KLHL1: variants seen among roughly 807,000 people sequenced by gnomAD.
The protein encoded by KLHL1 is kelch-like protein 1.
Under a neutral mutation model 77.7 loss-of-function variants are expected in KLHL1, and 47 were observed. The observed-to-expected ratio is 0.60, with a 90% CI of 0.48 to 0.77. KLHL1 has a LOEUF of 0.77. Among genes scored for constraint, KLHL1 ranks in the 30% least tolerant of loss-of-function variants. KLHL1 has a pLI of 0.00. For missense variants in KLHL1, 925 were observed against 910.8 expected, an observed-to-expected ratio of 1.02 and a Z score of -0.20; for synonymous variants, 360 against 325.2, an observed-to-expected ratio of 1.11 and a Z score of -1.15.
At chr13:69,758,788 TA>T (rs1409958900) in intron 7 of KLHL1, among the ~76,000 whole-genome samples, 1 of 152,134 alleles carries the variant, frequency 6.6e-6, no homozygotes. Flanking sequence ...CCATAGCATA[TA>T]AAAATAAGAT....
chr13:70,063,313 C>T (rs1384794497), intron 1 of KLHL1, among the ~76,000 whole-genome samples: 1 of 152,056 alleles, frequency 6.6e-6, no homozygotes, highest in Admixed American at 6.6e-5. Flanking sequence ...GCATGAATAA[C>T]AAGTGCATAA....
chr13:69,854,339 GAAGA>G (rs972857594), intron 5 of KLHL1, among the ~76,000 whole-genome samples: 2 of 151,964 alleles, frequency 1.3e-5, no homozygotes, highest in African/African-American at 4.8e-5. Flanking sequence ...AGCAAGAAAT[GAAGA>G]AAGAGAGAGA....
intron 7 of KLHL1, among the ~76,000 whole-genome samples, chr13:69,778,789 T>C (rs1593820260): frequency 7.1e-6 from 1 of 140,150 alleles, no homozygotes; most frequent in Non-Finnish European, 1.5e-5. Context: ...AGGTATTCCC[T>C]CTCTTTTTTT....
intron 1 of KLHL1, among the ~76,000 whole-genome samples, chr13:70,056,508 T>C (rs981535182): frequency 1.5e-4 from 23 of 152,086 alleles, no homozygotes; most frequent in African/African-American, 5.5e-4. Flanking sequence ...TTTCATTCAA[T>C]GGCTGCAGAA....
intron 7 of KLHL1, among the ~76,000 whole-genome samples, chr13:69,744,704 G>A (rs965184424): frequency 2.0e-5 from 3 of 151,268 alleles, no homozygotes; most frequent in African/African-American, 7.3e-5. Context: ...ATTCCTCAAA[G>A]AATAAGTTTT....
chr13:69,933,999 C>T (rs574127324), intron 4 of KLHL1, among the ~76,000 whole-genome samples: 1 of 152,130 alleles, frequency 6.6e-6, no homozygotes, highest in East Asian at 1.9e-4. Context: ...TGAGATAGTA[C>T]TGGGTTTATT....
intron 7 of KLHL1, among the ~76,000 whole-genome samples, chr13:69,773,141 A>G (rs1167440838): frequency 7.0e-6 from 1 of 142,494 alleles, no homozygotes; most frequent in Admixed American, 6.9e-5. Flanking sequence ...ATTTTTGTAC[A>G]TGCATAATAG....
chr13:70,071,698 T>C (rs1392485563), intron 1 of KLHL1, among the ~76,000 whole-genome samples: 4 of 152,124 alleles, frequency 2.6e-5, no homozygotes, highest in African/African-American at 9.7e-5. Context: ...AATCTCCAAA[T>C]ATTTGGAGTT....
At chr13:69,958,494 T>C (rs1883962254) in intron 3 of KLHL1, among the ~76,000 whole-genome samples, 1 of 151,898 alleles carries the variant, frequency 6.6e-6, no homozygotes, top group Admixed American at 6.6e-5. Context: ...ACATTCATTC[T>C]AAGCCTTCTT....
At chr13:69,732,928 C>A (rs1182590363) in intron 8 of KLHL1, among the ~76,000 whole-genome samples, 2 of 152,072 alleles carry the variant, frequency 1.3e-5, no homozygotes, top group African/African-American at 4.8e-5. Context: ...GGGCCCTTCC[C>A]CAAGCTTCTA....
At chr13:69,710,720 A>C (rs1396252548) in intron 9 of KLHL1, among the ~76,000 whole-genome samples, 1 of 152,178 alleles carries the variant, frequency 6.6e-6, no homozygotes, top group Non-Finnish European at 1.5e-5. Context: ...ATTCACTAAT[A>C]GTGAACTCTG....
intron 1 of KLHL1, among the ~76,000 whole-genome samples, chr13:70,051,474 A>G (rs746139584): frequency 1.3e-5 from 2 of 152,024 alleles, no homozygotes; most frequent in Non-Finnish European, 2.9e-5. Flanking sequence ...GGAAAAAACA[A>G]TGCAGCACAT....
chr13:69,949,613 G>T (rs958444787), intron 3 of KLHL1, among the ~76,000 whole-genome samples: 1 of 151,614 alleles, frequency 6.6e-6, no homozygotes, highest in African/African-American at 2.4e-5. Context: ...ACTTACGGAG[G>T]GGGGAGTTGT....
At chr13:69,885,132 G>A (rs1281556546) in intron 4 of KLHL1, among the ~76,000 whole-genome samples, 1 of 137,666 alleles carries the variant, frequency 7.3e-6, no homozygotes, top group African/African-American at 3.2e-5. Context: ...AGTAGAGACG[G>A]GGTTTCACCG....
chr13:69,782,502 C>A (rs577223686), intron 7 of KLHL1, among the ~76,000 whole-genome samples: 2 of 152,314 alleles, frequency 1.3e-5, no homozygotes, highest in South Asian at 4.1e-4. Flanking sequence ...AAATGGCACA[C>A]CAGGAGATTA....
At chr13:70,035,983 GTTTAC>G (rs973181812) in intron 1 of KLHL1, among the ~76,000 whole-genome samples, 10 of 151,934 alleles carry the variant, frequency 6.6e-5, no homozygotes, top group African/African-American at 2.2e-4. Flanking sequence ...ATTTAATAAT[GTTTAC>G]TTTATAAATG....
At chr13:69,917,020 G>C (rs981509887) in intron 4 of KLHL1, among the ~76,000 whole-genome samples, 7 of 152,000 alleles carry the variant, frequency 4.6e-5, no homozygotes, top group Non-Finnish European at 8.8e-5. Context: ...ACATATATGT[G>C]TGTATGCAGG....
chr13:70,041,974 T>C (rs1431134038), intron 1 of KLHL1, among the ~76,000 whole-genome samples: 1 of 152,164 alleles, frequency 6.6e-6, no homozygotes, highest in Admixed American at 6.5e-5. Flanking sequence ...GTTTGTTTCC[T>C]GTTGTGTTTG....
intron 8 of KLHL1, among the ~76,000 whole-genome samples, chr13:69,733,707 G>C (rs936948126): frequency 6.6e-6 from 1 of 152,146 alleles, no homozygotes; most frequent in Admixed American, 6.5e-5. Context: ...AGTCAGTAGG[G>C]CACATGGAGC....
Sources: allele counts gnomAD v4.1 joint callset (sites outside exome capture counted in the v4.1 genomes callset), GRCh38; gene constraint gnomAD v4.1.1; transcripts MANE v1.5; gene names NCBI Gene and HGNC (gene_info 2026-07-23, HGNC 2026-07-21).